PTPRS: variants seen among roughly 807,000 people sequenced by gnomAD.
The protein encoded by PTPRS is protein tyrosine phosphatase receptor type S, also known as receptor-type tyrosine-protein phosphatase S.
Under a neutral mutation model 215.3 loss-of-function variants are expected in PTPRS, and 63 were observed. The ratio of observed to expected loss-of-function variants is 0.29; its 90% CI spans 0.24 to 0.36. The LOEUF (loss-of-function observed/expected upper bound fraction) is 0.36, where lower values mean the gene tolerates loss of function less well. Ranked by LOEUF, PTPRS falls within the 10% of genes least tolerant of loss-of-function variation. The pLI, the probability that PTPRS is intolerant of heterozygous loss-of-function variation, is 1.00. For synonymous variants in PTPRS, 1,404 were observed against 1,191.4 expected (o/e 1.18, Z -3.68); for missense variants, 2,258 against 2,825.8 (o/e 0.80, Z 4.56).
intron 1 of PTPRS, among the ~76,000 whole-genome samples, chr19:5,328,585 G>A (rs1262534662): frequency 2.0e-5 from 3 of 152,140 alleles, no homozygotes; most frequent in Non-Finnish European, 4.4e-5. Context: ...GCTCAGAGAG[G>A]GTGAGCAAGT....
In PTPRS at chr19:5,222,586, A is replaced by C. The variant is rs1599461786; in HGVS notation, c.3103+103T>G. 4.7e-6 allele frequency: 6 copies of C among 1,284,232 alleles called. No individual in the cohort carries two copies. In the East Asian group the frequency reaches 1.7e-4, roughly 36 times the overall value. The allele number at this position is 1,284,232 out of a possible 1,614,324, so 79.6% of individuals were successfully genotyped here. ...TTGCCTTGAGTGACCACGAGGAAGC[A>C]GAAAAGTGAGCACTTACCTGGGCAG... On this transcript the variant is annotated intron_variant, in intron 18 of 37. Coordinates refer to ENST00000262963, the MANE Select transcript of PTPRS (RefSeq NM_002850.4).
At chr19:5,306,404 C>T (rs139335151) in intron 1 of PTPRS, among the ~76,000 whole-genome samples, 1 of 152,112 alleles carries the variant, frequency 6.6e-6, no homozygotes, top group Admixed American at 6.5e-5. Flanking sequence ...CTCGGCCTCC[C>T]AAAGTGCTGG....
chr19:5,248,161 A>C (rs1323207290), intron 9 of PTPRS, among the ~76,000 whole-genome samples: 1 of 152,152 alleles, frequency 6.6e-6, no homozygotes, highest in Non-Finnish European at 1.5e-5. Flanking sequence ...GGCACAGGTA[A>C]GATGCCAAGG....
intron 1 of PTPRS, among the ~76,000 whole-genome samples, chr19:5,312,190 G>A (rs1293486948): frequency 6.6e-6 from 1 of 152,164 alleles, no homozygotes. Flanking sequence ...GGCTGGGCAT[G>A]TAGATGGCAT....
intron 2 of PTPRS, among the ~76,000 whole-genome samples, chr19:5,279,300 T>C (rs1465138980): frequency 6.6e-6 from 1 of 152,162 alleles, no homozygotes; most frequent in Non-Finnish European, 1.5e-5. Flanking sequence ...TTTGGTACCT[T>C]TTTACATGTA....
intron 23 of PTPRS, chr19:5,219,035 T>C: frequency 1.6e-6 from 1 of 631,496 alleles, no homozygotes; most frequent in South Asian, 2.0e-5. Flanking sequence ...ATTGCTATCC[T>C]CATTGAACTG....
At chr19:5,313,935 T>C (rs867275017) in intron 1 of PTPRS, among the ~76,000 whole-genome samples, 1 of 120,172 alleles carries the variant, frequency 8.3e-6, no homozygotes, top group African/African-American at 3.5e-5. Context: ...TCTCTCTCTC[T>C]CCACAAATAA....
intron 1 of PTPRS, among the ~76,000 whole-genome samples, chr19:5,307,594 C>T (rs917390997): frequency 6.6e-6 from 1 of 152,134 alleles, no homozygotes; most frequent in Non-Finnish European, 1.5e-5. Context: ...TAAATCCAGC[C>T]GCCTACTAAA....
intron 23 of PTPRS, chr19:5,219,046 G>A (rs1599427207): frequency 1.6e-6 from 1 of 635,422 alleles, no homozygotes; most frequent in East Asian, 2.8e-5. Context: ...CATTGAACTG[G>A]ACACAGGCAG....
chr19:5,263,642 G>A (rs1389282347), intron 5 of PTPRS, among the ~76,000 whole-genome samples: 2 of 152,232 alleles, frequency 1.3e-5, no homozygotes, highest in African/African-American at 2.4e-5. Context: ...CCGTGACACA[G>A]ACAAACACGC....
At chr19:5,263,735 C>T (rs1219289586) in intron 5 of PTPRS, among the ~76,000 whole-genome samples, 1 of 152,266 alleles carries the variant, frequency 6.6e-6, no homozygotes, top group Non-Finnish European at 1.5e-5. Context: ...TAGGGAGGTG[C>T]AGGCTGAGAG....
Position 5,218,501 on chromosome 19 carries a change from A to C in PTPRS, c.3967T>G (p.Cys1323Gly). The C allele has an allele frequency of 6.2e-7, 1 of 1,614,128 alleles. No individual in the cohort carries two copies. The highest frequency in any genetic ancestry group is 8.5e-7 in the Non-Finnish European group (1 of 1,180,026). The change falls in exon 25 of 38, where the codon TGC becomes GGC. Residue 1323 changes from cysteine (C) to glycine (G), a missense_variant. Cys to Gly is a radical substitution (Grantham distance 159). Transcript: ENST00000262963. ...GCGAGGTCGGCATTGTTCAGGAGGC[A>C]TTTGGTGCGGGGTTCTGAGTCCTTG... is the stretch of plus-strand genomic sequence containing the variant. ...KRKDSEPRTK[C>G]LLNNADLAPH...
chr19:5,212,114 C>A lies in PTPRS; in HGVS notation c.4906G>T (p.Asp1636Tyr). ...SQRNYMVQTE[D>Y]QYSFIHEALL... ...GCCTCGTGGATGAAGCTGTACTGGT[C>A]CTCCGTCTGCACCATGTAGTTGCGC... The change falls in exon 32 of 38, where the codon GAC (aspartate) becomes TAC (tyrosine). Residue 1636 changes from aspartate to tyrosine, a missense_variant. Coordinates refer to ENST00000262963, the MANE Select transcript of PTPRS (RefSeq NM_002850.4). 1 of 1,614,118 alleles carries A rather than the reference C, an allele frequency of 6.2e-7. No individual in the cohort carries two copies. The highest frequency in any genetic ancestry group is 8.5e-7 in the Non-Finnish European group (1 of 1,180,054).
At chr19:5,224,062 C>G (rs138297890) in intron 17 of PTPRS, among the ~76,000 whole-genome samples, 1 of 151,882 alleles carries the variant, frequency 6.6e-6, no homozygotes, top group Non-Finnish European at 1.5e-5. Context: ...GCCTGTAATC[C>G]CAGCTACTCA....
intron 1 of PTPRS, among the ~76,000 whole-genome samples, chr19:5,288,791 C>T (rs927619885): frequency 6.6e-6 from 1 of 152,200 alleles, no homozygotes; most frequent in African/African-American, 2.4e-5. Flanking sequence ...CTGGCTCTCC[C>T]ACATCCCACG....
At chr19:5,211,492 G>C (rs2040880380) in intron 33 of PTPRS, 98 bp downstream of exon 33, 5 of 1,270,320 alleles carry the variant, frequency 3.9e-6, no homozygotes, top group African/African-American at 3.0e-5. Flanking sequence ...AGGGCTACCA[G>C]TATCTCCCCA....
At position 5,211,779 on chromosome 19, in the gene PTPRS, G is replaced by A. The variant is rs758679912; in HGVS notation, c.5056-11C>T. On this transcript the variant is annotated splice_polypyrimidine_tract_variant and intron_variant, in intron 32 of 37. Coordinates refer to ENST00000262963, the MANE Select transcript of PTPRS (RefSeq NM_002850.4). ...GGAGTTAGCCAGCCGCTGTGGGGAG[G>A]AGGAAGCCAGAGGCCACCATCAGGA... is the stretch of plus-strand genomic sequence containing the variant. 2 of 1,607,572 alleles carry A rather than the reference G, an allele frequency of 1.2e-6. No individual in the cohort carries two copies. Among genetic ancestry groups the A allele is most frequent in the South Asian group, 2.2e-5 (2 of 90,988 alleles).
Position 5,277,747 on chromosome 19 carries a change from G to C in PTPRS, c.92-3403C>G, listed in dbSNP as rs888295980. 3 of 691,912 alleles carry C rather than the reference G, an allele frequency of 4.3e-6. No homozygotes were observed. In the African/African-American group the frequency reaches 5.3e-5, roughly 12 times the overall value. The allele number at this position is 691,912 out of a possible 1,614,324, so 42.9% of individuals were successfully genotyped here. ...CTCCTCAGCATCATGGCCGCCCTCA[G>C]ACTCCTCATGAAGCCCAAGATCGTC... On this transcript the variant is annotated intron_variant, in intron 2 of 37. Coordinates refer to ENST00000262963, the MANE Select transcript of PTPRS (RefSeq NM_002850.4).
chr19:5,269,676 C>A (rs776413065), intron 4 of PTPRS, among the ~76,000 whole-genome samples: 1 of 152,056 alleles, frequency 6.6e-6, no homozygotes, highest in Non-Finnish European at 1.5e-5. Context: ...AATCCCAGCA[C>A]TTTGGGAGGC....
Sources: allele counts gnomAD v4.1 joint callset (sites outside exome capture counted in the v4.1 genomes callset), GRCh38; gene constraint gnomAD v4.1.1; transcripts MANE v1.5; gene names NCBI Gene and HGNC (gene_info 2026-07-23, HGNC 2026-07-21).